The following TMTC1 variants were observed in gnomAD, a reference collection of about 807,000 sequenced individuals.
TMTC1 encodes the protein transmembrane O-mannosyltransferase targeting cadherins 1, also known as protein O-mannosyl-transferase TMTC1.
TMTC1 carries 73 observed loss-of-function variants against 104.8 expected under a neutral mutation model. The observed-to-expected ratio is 0.70, with a 90% confidence interval of 0.58 to 0.85. The LOEUF is 0.85. Ranked by LOEUF, TMTC1 falls within the 40% of genes least tolerant of loss-of-function variation. The pLI is 0.00. For synonymous variants in TMTC1, 434 were observed against 428.7 expected, an observed-to-expected ratio of 1.01 and a Z score of -0.15; for missense variants, 1,035 against 1,096.1, an observed-to-expected ratio of 0.94 and a Z score of 0.79.
chr12:29,567,338 T>C (rs1247158097), intron 9 of TMTC1, among the ~76,000 whole-genome samples: 1 of 152,228 alleles, frequency 6.6e-6, no homozygotes, highest in Non-Finnish European at 1.5e-5. Flanking sequence ...AAATACATTA[T>C]GGAGATTTCA....
intron 1 of TMTC1, among the ~76,000 whole-genome samples, chr12:29,768,735 C>T (rs1413533460): frequency 6.6e-6 from 1 of 152,106 alleles, no homozygotes; most frequent in Non-Finnish European, 1.5e-5. Context: ...AACATAAATT[C>T]CCACAGATCT....
At chr12:29,551,312 T>C (rs1036305688) in intron 10 of TMTC1, among the ~76,000 whole-genome samples, 1 of 152,222 alleles carries the variant, frequency 6.6e-6, no homozygotes, top group Non-Finnish European at 1.5e-5. Context: ...GTGTGGCTAG[T>C]GCCAAAGGTA....
At chr12:29,508,534 C>T (rs1943750204) in intron 17 of TMTC1, among the ~76,000 whole-genome samples, 1 of 152,142 alleles carries the variant, frequency 6.6e-6, no homozygotes, top group South Asian at 2.1e-4. Context: ...TCCTTTCACA[C>T]AGAACGCAGT....
intron 5 of TMTC1, among the ~76,000 whole-genome samples, chr12:29,696,891 C>A (rs578013975): frequency 6.6e-6 from 1 of 152,084 alleles, no homozygotes; most frequent in South Asian, 2.1e-4. Context: ...CTTATGACAA[C>A]ATAGAAGGAA....
chr12:29,652,178 T>C (rs1939552723), intron 5 of TMTC1, among the ~76,000 whole-genome samples: 2 of 152,080 alleles, frequency 1.3e-5, no homozygotes, highest in Admixed American at 6.6e-5. Context: ...GGACCAGATG[T>C]AGAGTTTAGC....
At chr12:29,753,393 G>A (rs302338) in intron 4 of TMTC1, among the ~76,000 whole-genome samples, 52,387 of 152,162 alleles carry the variant, frequency 0.34, 11,111 homozygotes, top group Admixed American at 0.53. Flanking sequence ...CCTGTCATAT[G>A]TTCCTCCCTG....
chr12:29,572,207 T>G lies in TMTC1; in HGVS notation c.1430A>C (p.Gln477Pro). 3 of 1,613,070 alleles carry G rather than the reference T, an allele frequency of 1.9e-6. No individual in the cohort carries two copies. Among genetic ancestry groups the G allele is most frequent in the Non-Finnish European group, 2.5e-6 (3 of 1,179,058 alleles). The change falls in exon 9 of 18, where the codon CAA (glutamine) becomes CCA (proline). Residue 477 changes from glutamine to proline, a missense_variant. Coordinates refer to ENST00000539277, the MANE Select transcript of TMTC1 (RefSeq NM_001193451.2). The stretch of plus-strand genomic sequence containing the variant: ...AACCTTGGCATTGTGGGGCAGAGTT[T>G]GAACTCCAGACCTAAAATGAATAAA... Reference protein sequence around the residue: ...SRESLFRSGVQTLPHNAKVHY... With the variant: ...SRESLFRSGVPTLPHNAKVHY...
At chr12:29,728,244 A>G (rs963606094) in intron 5 of TMTC1, among the ~76,000 whole-genome samples, 1 of 152,136 alleles carries the variant, frequency 6.6e-6, no homozygotes, top group African/African-American at 2.4e-5. Flanking sequence ...GAGATCTCAG[A>G]GTTGGAAGGA....
intron 10 of TMTC1, among the ~76,000 whole-genome samples, chr12:29,543,077 T>C (rs1252973350): frequency 6.6e-6 from 1 of 152,226 alleles, no homozygotes; most frequent in Non-Finnish European, 1.5e-5. Flanking sequence ...GACATCATCA[T>C]TAATTTCATA....
chr12:29,661,411 GT>G, intron 5 of TMTC1: 1 of 613,678 alleles, frequency 1.6e-6, no homozygotes, highest in South Asian at 7.0e-5. Context: ...GTTGTAGGAG[GT>G]TAAGTAATTT....
intron 5 of TMTC1, among the ~76,000 whole-genome samples, chr12:29,675,589 TACACACACACAC>T (rs10605906): frequency 7.8e-4 from 91 of 116,560 alleles, no homozygotes; most frequent in East Asian, 6.1e-3. Context: ...CACATGCAAA[TACACACACACAC>T]ACACACACAC....
intron 11 of TMTC1, chr12:29,534,275 G>A (rs546841268): frequency 5.9e-5 from 9 of 152,352 alleles, no homozygotes; most frequent in African/African-American, 2.2e-4. Flanking sequence ...TCAGAGAGGG[G>A]AAGGCAGTCC....
intron 5 of TMTC1, among the ~76,000 whole-genome samples, chr12:29,644,489 C>A (rs183119875): frequency 8.7e-4 from 132 of 151,972 alleles, no homozygotes; most frequent in Non-Finnish European, 1.5e-3. Context: ...CCAAATACCA[C>A]CTGTACCACC....
rs1431308435 is a variant in TMTC1 at position 29,643,707 on chromosome 12, T to A, written c.939-10371A>T. On this transcript the variant is annotated intron_variant, in intron 5 of 17. Coordinates refer to ENST00000539277, the MANE Select transcript of TMTC1 (RefSeq NM_001193451.2). ...TTATATATATTATATATATTATATA[T>A]TATATATATAATATATAAATATATA... Among the ~76,000 whole-genome samples the A allele has an allele frequency of 5.6e-4, 15 of 26,600 alleles. 2 individuals are homozygous for A. Among genetic ancestry groups the A allele is most frequent in the South Asian group, 1.8e-3 (1 of 558 alleles). The allele number at this position is 26,600 out of a possible 152,430, so 17.5% of individuals were successfully genotyped here.
Position 29,502,664 on chromosome 12 carries a change from A to C in TMTC1, c.*4182T>G, listed in dbSNP as rs990308588. On this transcript the variant is annotated 3_prime_UTR_variant, in exon 18 of 18. Coordinates refer to ENST00000539277, the MANE Select transcript of TMTC1 (RefSeq NM_001193451.2). The stretch of plus-strand genomic sequence containing the variant: ...AGCCTCAACCAACCAATTGTGCCAT[A>C]CATCATTGTTAAGACTTCTTTGGCT... 1.3e-5 allele frequency: 2 copies of C among 152,220 alleles called. No homozygotes were observed. The highest frequency in any genetic ancestry group is 2.4e-5 in the African/African-American group (1 of 41,446). The allele number at this position is 152,220 out of a possible 1,614,324, so 9.4% of individuals were successfully genotyped here.
At chr12:29,768,411 T>G (rs1215268653) in intron 1 of TMTC1, among the ~76,000 whole-genome samples, 1 of 152,216 alleles carries the variant, frequency 6.6e-6, no homozygotes, top group Admixed American at 6.5e-5. Flanking sequence ...TTATTTTCAC[T>G]GCTGGCTCTT....
At chr12:29,768,685 G>A (rs1943529144) in intron 1 of TMTC1, among the ~76,000 whole-genome samples, 1 of 152,118 alleles carries the variant, frequency 6.6e-6, no homozygotes, top group Non-Finnish European at 1.5e-5. Flanking sequence ...GAAAAGATGA[G>A]CAAAAGCATC....
chr12:29,681,099 CAAAAA>C (rs71045827), intron 5 of TMTC1, among the ~76,000 whole-genome samples: 21 of 107,216 alleles, frequency 2.0e-4, no homozygotes, highest in South Asian at 3.2e-4. Context: ...ACCCTGTCTC[CAAAAA>C]AAAAAAAAAA....
intron 5 of TMTC1, among the ~76,000 whole-genome samples, chr12:29,648,452 G>A (rs776548614): frequency 7.9e-5 from 12 of 151,632 alleles, no homozygotes; most frequent in Non-Finnish European, 1.3e-4. Context: ...CTAAATTGGC[G>A]CAATTCTAAG....
Sources: gnomAD v4.1 joint callset for allele counts (sites outside exome capture counted in the v4.1 genomes callset) on GRCh38, gnomAD v4.1.1 for gene constraint, MANE v1.5 for transcripts, NCBI Gene and HGNC (gene_info 2026-07-23, HGNC 2026-07-21) for gene names.